The following BRCA1 variants were observed in gnomAD, a reference collection of about 807,000 sequenced individuals.
BRCA1 encodes the protein breast cancer type 1 susceptibility protein.
In BRCA1, 140 loss-of-function variants were observed where a neutral mutation model predicts 173.7. That is an observed-to-expected ratio of 0.81 (90% confidence interval 0.70 to 0.93). BRCA1 has a LOEUF of 0.93. Ranked by LOEUF, BRCA1 falls within the 40% of genes least tolerant of loss-of-function variation. The pLI is 0.00. For synonymous variants in BRCA1, 662 were observed against 756.0 expected (o/e 0.88, Z 2.04); for missense variants, 1,983 against 2,172.5 (o/e 0.91, Z 1.73).
intron 18 of BRCA1, among the ~76,000 whole-genome samples, chr17:43,060,109 T>A (rs746407418): frequency 1.3e-5 from 2 of 152,020 alleles, no homozygotes; most frequent in Non-Finnish European, 2.9e-5. Flanking sequence ...TCACTCTTGT[T>A]GCCCAGGCTG....
chr17:43,098,002 C>A (rs1245993487), intron 7 of BRCA1, among the ~76,000 whole-genome samples: 1 of 151,190 alleles, frequency 6.6e-6, no homozygotes, highest in Non-Finnish European at 1.5e-5. Context: ...AATTTGAGAG[C>A]CCAGTTTGAA....
intron 1 of BRCA1, chr17:43,160,202 T>G (rs1033652784): frequency 6.6e-6 from 1 of 151,976 alleles, no homozygotes; most frequent in Admixed American, 6.6e-5. Flanking sequence ...CCACCACACC[T>G]GGCTAATTTT....
Position 43,094,839 on chromosome 17 carries a change from G to A in BRCA1, c.692C>T (p.Thr231Met), listed in dbSNP as rs80357001. The stretch of plus-strand genomic sequence containing the variant: ...ATGATGTTCAGTATTTGTTACATCC[G>A]TCTCAGAAAATTCACAAGCAGCTGA... Reference protein sequence around the residue: ...AKKAACEFSETDVTNTEHHQP... With the variant: ...AKKAACEFSEMDVTNTEHHQP... Residue 231 changes from threonine (T) to methionine (M), a missense_variant, in exon 10 of 23, where the codon ACG (threonine) becomes ATG (methionine). By Grantham distance (81) the Thr-to-Met change is moderately conservative. Transcript: ENST00000357654. The A allele has an allele frequency of 5.3e-5, 86 of 1,612,488 alleles. No homozygotes were observed. Among genetic ancestry groups the A allele is most frequent in the South Asian group, 2.2e-4 (20 of 90,922 alleles).
intron 18 of BRCA1, among the ~76,000 whole-genome samples, chr17:43,062,893 G>A (rs575489354): frequency 1.1e-3 from 168 of 151,744 alleles, no homozygotes; most frequent in African/African-American, 3.5e-3. Context: ...CACTGCACCC[G>A]ATTTTTTTTT....
intron 2 of BRCA1, among the ~76,000 whole-genome samples, chr17:43,120,597 C>A (rs986074171): frequency 1.3e-5 from 2 of 151,982 alleles, no homozygotes; most frequent in African/African-American, 4.8e-5. Context: ...AACCCCGTCT[C>A]TACTAAAAAT....
intron 1 of BRCA1, chr17:43,132,564 T>TC (rs1419930431): frequency 2.0e-5 from 3 of 146,464 alleles, no homozygotes; most frequent in Non-Finnish European, 3.1e-5. Flanking sequence ...CTTAACCTCT[T>TC]TTTTTTTTTT....
At chr17:43,128,318 A>T (rs1303156032), upstream of BRCA1, among the ~76,000 whole-genome samples, 1 of 152,234 alleles carries the variant, frequency 6.6e-6, no homozygotes, top group Non-Finnish European at 1.5e-5. Context: ...TGTAACACTC[A>T]CCGCAAAGGT....
At position 43,074,371 on chromosome 17, in the gene BRCA1, G is replaced by C. The variant is rs373686790; in HGVS notation, c.4635C>G (p.His1545Gln). ...EEQQLEESGPHDLTETSYLPR... is the reference protein window; with the variant it reads ...EEQQLEESGPQDLTETSYLPR... ...GCAAGTAAGATGTTTCCGTCAAATC[G>C]TGTGGCCCAGACTCTTCCAGCTGTT... The change falls in exon 14 of 23, where the codon CAC (histidine) becomes CAG (glutamine). Residue 1545 changes from histidine to glutamine, a missense_variant. By Grantham distance (24) the His-to-Gln change is conservative (BLOSUM62 0). Transcript: ENST00000357654. The C allele has an allele frequency of 6.2e-6, 10 of 1,614,024 alleles. No homozygotes were observed. Among genetic ancestry groups the C allele is most frequent in the Non-Finnish European group, 8.5e-6 (10 of 1,179,984 alleles).
rs568459377 is a variant in BRCA1 at position 43,103,828 on chromosome 17, C to T, written c.441+294G>A. ...AATAAATGAAAATGGTTTTACCGGC[C>T]GGGCACAGTGGCTCACACCTGTAAT... is the stretch of plus-strand genomic sequence containing the variant. On this transcript the variant is annotated intron_variant, in intron 6 of 22. Coordinates refer to ENST00000357654, the MANE Select transcript of BRCA1 (RefSeq NM_007294.4). Among the ~76,000 whole-genome samples the T allele has an allele frequency of 5.3e-4, 80 of 152,008 alleles. 2 individuals are homozygous for T. The highest frequency in any genetic ancestry group is 7.7e-4 in the East Asian group (4 of 5,178).
At chr17:43,051,176 T>C (rs2051221334) in intron 19 of BRCA1, 59 bp from the exon 20 acceptor site, 1 of 1,477,100 alleles carries the variant, frequency 6.8e-7, no homozygotes, top group Admixed American at 1.7e-5. Context: ...AATCTAGTTA[T>C]AAAAGAATAT....
Position 43,086,109 on chromosome 17 carries a change from TACACACACAC to T in BRCA1, c.4186-3544_4186-3535del, listed in dbSNP as rs376686434. On this transcript the variant is annotated intron_variant, in intron 11 of 22. Transcript: ENST00000357654. ...TCCTATATTTATTTTATCACATACATACACACACACACACACACACACACACACACACACA... is the reference window on the plus strand; with the variant it reads ...TCCTATATTTATTTTATCACATACATACACACACACACACACACACACACA... Among the ~76,000 whole-genome samples, 449 of 137,454 alleles carry T rather than the reference TACACACACAC, an allele frequency of 3.3e-3. 9 individuals carry two copies. In the East Asian group the frequency reaches 0.046, roughly 14 times the overall value. The allele number at this position is 137,454 out of a possible 152,430, so 90.2% of individuals were successfully genotyped here.
chr17:43,166,269 G>A (rs1475784874), intron 1 of BRCA1: 1 of 150,284 alleles, frequency 6.7e-6, no homozygotes, highest in Non-Finnish European at 1.5e-5. Flanking sequence ...CTCTCTGCTG[G>A]TCTTTCCTTG....
chr17:43,149,477 C>T (rs1223983276), intron 1 of BRCA1, among the ~76,000 whole-genome samples: 5 of 151,894 alleles, frequency 3.3e-5, no homozygotes, highest in Admixed American at 1.3e-4. Context: ...TCAAGTGATC[C>T]GCCCACCTTG....
intron 12 of BRCA1, chr17:43,079,615 G>A (rs2154112258): frequency 1.2e-6 from 1 of 835,756 alleles, no homozygotes; most frequent in Non-Finnish European, 2.1e-6. Context: ...ACAGCTTCCT[G>A]AAACGCGTGA....
chr17:43,147,717 TAATA>T lies in BRCA1; in HGVS notation c.-20+22405_-20+22408del, dbSNP rs1039438087. On this transcript the variant is annotated intron_variant, in intron 1 of 7. Coordinates refer to the BRCA1 transcript ENST00000634433. ...TCAGTTCTAGGATCCATGAAATAAA[TAATA>T]AATAAATAAAAAAGAGAAAGTAGTG... Among the ~76,000 whole-genome samples, 25 of 152,222 alleles carry T rather than the reference TAATA, an allele frequency of 1.6e-4. No homozygotes were observed. In the East Asian group the frequency reaches 4.1e-3, roughly 25 times the overall value.
rs80357129 is a variant in BRCA1 at position 43,093,597 on chromosome 17, G to C, written c.1934C>G (p.Ser645Cys). The change falls in exon 10 of 23, where the codon TCT becomes TGT. Residue 645 changes from serine (S) to cysteine (C), a missense_variant. Transcript: ENST00000357654. Reference sequence around the variant, plus strand: ...TTTTTTCTTTATCTCTTCACTGCTAGAACAACTATCAATTTGCAATTCAGT... The same window carrying C: ...TTTTTTCTTTATCTCTTCACTGCTACAACAACTATCAATTTGCAATTCAGT... ...NCTELQIDSCSSSEEIKKKKY... is the reference protein window; with the variant it reads ...NCTELQIDSCCSSEEIKKKKY... 1 of 1,613,968 alleles carries C rather than the reference G, an allele frequency of 6.2e-7. No homozygotes were observed. The highest frequency in any genetic ancestry group is 1.3e-5 in the African/African-American group (1 of 75,026).
chr17:43,144,045 C>A (rs1032128153), intron 1 of BRCA1, among the ~76,000 whole-genome samples: 2 of 152,000 alleles, frequency 1.3e-5, no homozygotes, highest in African/African-American at 4.8e-5. Flanking sequence ...ATGGTGAAAC[C>A]CTGTCTCTAC....
chr17:43,106,335 T>TAA (rs1231780078), intron 4 of BRCA1, 121 bp downstream of exon 4: 32 of 676,298 alleles, frequency 4.7e-5, no homozygotes, highest in Middle Eastern at 4.2e-4. Flanking sequence ...TACTGTGTGC[T>TAA]AAAAACTCTT....
chr17:43,068,492 C>T (rs2153742502), intron 15 of BRCA1, among the ~76,000 whole-genome samples: 1 of 151,148 alleles, frequency 6.6e-6, no homozygotes, highest in South Asian at 2.1e-4. Flanking sequence ...GGGAGGACTG[C>T]TTGAGCTCAA....
Sources: gnomAD v4.1 joint callset for allele counts (sites outside exome capture counted in the v4.1 genomes callset) on GRCh38, gnomAD v4.1.1 for gene constraint, MANE v1.5 for transcripts, NCBI Gene and HGNC (gene_info 2026-07-23, HGNC 2026-07-21) for gene names.